Variants in IGF1R observed in about 807,000 individuals in gnomAD.
IGF1R encodes the protein insulin like growth factor 1 receptor.
A neutral mutation model predicts 144.6 loss-of-function variants in IGF1R; 44 were observed. The ratio of observed to expected loss-of-function variants is 0.30; its 90% CI spans 0.24 to 0.39. The LOEUF (loss-of-function observed/expected upper bound fraction) is 0.39. Among genes scored for constraint, IGF1R ranks in the 10% least tolerant of loss-of-function variants. The probability of loss-of-function intolerance (pLI) is 1.00; values close to 1 mark genes in which losing one functional copy is unlikely to be tolerated. For missense variants in IGF1R, 1,355 were observed against 1,833.7 expected (o/e 0.74, Z 4.77); for synonymous variants, 795 against 722.8 (o/e 1.10, Z -1.60).
chr15:98,899,542 A>G lies in IGF1R; in HGVS notation c.1168A>G (p.Ile390Val). ...CGAGGTGGTGACGGGCTACGTGAAG[A>G]TCCGCCATTCTCATGCCTTGGTCTC... is the stretch of plus-strand genomic sequence containing the variant. ...LIEVVTGYVK[I>V]RHSHALVSLS... is the part of the protein sequence containing the mutation. The change falls in exon 5 of 21, where the codon ATC becomes GTC. Residue 390 changes from isoleucine (I) to valine (V), a missense_variant. Ile to Val is a conservative substitution (Grantham distance 29, BLOSUM62 3). Coordinates refer to ENST00000650285, the MANE Select transcript of IGF1R (RefSeq NM_000875.5). 1.2e-6 allele frequency: 2 copies of G among 1,614,160 alleles called. No homozygotes were observed. Among genetic ancestry groups the G allele is most frequent in the Non-Finnish European group, 1.7e-6 (2 of 1,179,990 alleles).
intron 2 of IGF1R, among the ~76,000 whole-genome samples, chr15:98,846,919 T>C (rs2011349750): frequency 6.6e-6 from 1 of 152,224 alleles, no homozygotes; most frequent in African/African-American, 2.4e-5. Context: ...GACCCGGGAA[T>C]ATAGTGTATG....
At chr15:98,811,157 C>T (rs1246694458) in intron 2 of IGF1R, among the ~76,000 whole-genome samples, 1 of 151,716 alleles carries the variant, frequency 6.6e-6, no homozygotes, top group African/African-American at 2.4e-5. Context: ...AAAAATTAAC[C>T]AGATGTGGTG....
chr15:98,957,122 A>G lies in IGF1R; in HGVS notation c.3784A>G (p.Ile1262Val). 1 of 1,614,180 alleles carries G rather than the reference A, an allele frequency of 6.2e-7. No homozygotes were observed. Among genetic ancestry groups the G allele is most frequent in the Non-Finnish European group, 8.5e-7 (1 of 1,180,020 alleles). Residue 1262 changes from isoleucine to valine, a missense_variant, in exon 21 of 21, where the codon ATC (isoleucine) becomes GTC (valine). By Grantham distance (29) the Ile-to-Val change is conservative. Transcript: ENST00000650285. ...CAAGATGAGGCCTTCCTTCCTGGAG[A>G]TCATCAGCAGCATCAAAGAGGAGAT... ...NPKMRPSFLE[I>V]ISSIKEEMEP...
Position 98,649,026 on chromosome 15 carries a change from G to T in IGF1R, c.-556G>T. 1 of 175,980 alleles carries T rather than the reference G, an allele frequency of 5.7e-6. No individual in the cohort carries two copies. The highest frequency in any genetic ancestry group is 2.1e-4 in the South Asian group (1 of 4,722). The allele number at this position is 175,980 out of a possible 1,614,324, so 10.9% of individuals were successfully genotyped here. ...CTGAGGGAGGAGGCGGCGGCGAGCG[G>T]AGCCAGGAGGAGGAGGAGGAGGGGG... On this transcript the variant is annotated 5_prime_UTR_variant, in exon 1 of 21. Transcript: ENST00000650285.
chr15:98,929,684 C>T, intron 14 of IGF1R, 24 bp downstream of exon 14: 1 of 1,466,356 alleles, frequency 6.8e-7, no homozygotes, highest in Non-Finnish European at 9.6e-7. Flanking sequence ...AAAGTTATGA[C>T]ACTTTCTGTG....
chr15:98,649,417 G>T lies in IGF1R; in HGVS notation c.-165G>T. ...CCCGTCCGCGCACCCGGAGGGCCCCGGCGGCGCCGCCTTCGGAGTATTGTT... is the reference window on the plus strand; with the variant it reads ...CCCGTCCGCGCACCCGGAGGGCCCCTGCGGCGCCGCCTTCGGAGTATTGTT... On this transcript the variant is annotated 5_prime_UTR_variant, in exon 1 of 21. Coordinates refer to ENST00000650285, the MANE Select transcript of IGF1R (RefSeq NM_000875.5). The T allele has an allele frequency of 2.4e-6, 1 of 414,852 alleles. No homozygotes were observed. The highest frequency in any genetic ancestry group is 5.5e-5 in the South Asian group (1 of 18,196). The allele number at this position is 414,852 out of a possible 1,614,324, so 25.7% of individuals were successfully genotyped here. A position where few individuals can be genotyped will look rare whatever the true frequency, so the allele number is the denominator to read the frequency against.
At chr15:98,798,350 T>G (rs2056293119) in intron 2 of IGF1R, among the ~76,000 whole-genome samples, 1 of 151,772 alleles carries the variant, frequency 6.6e-6, no homozygotes. Flanking sequence ...TGCATCTTGG[T>G]GGGGGATGGG....
At chr15:98,831,562 T>G (rs962001380) in intron 2 of IGF1R, among the ~76,000 whole-genome samples, 8 of 152,060 alleles carry the variant, frequency 5.3e-5, no homozygotes, top group African/African-American at 1.9e-4. Context: ...ATGCCAACAC[T>G]CCTAAAACAA....
intron 2 of IGF1R, among the ~76,000 whole-genome samples, chr15:98,709,118 A>G (rs953865483): frequency 1.3e-5 from 2 of 152,216 alleles, no homozygotes; most frequent in Non-Finnish European, 2.9e-5. Flanking sequence ...AATAGCTATT[A>G]TTTAAGTGTT....
chr15:98,787,407 GCTGA>G (rs2056023936), intron 2 of IGF1R, among the ~76,000 whole-genome samples: 1 of 152,158 alleles, frequency 6.6e-6, no homozygotes, highest in South Asian at 2.1e-4. Context: ...AAACTTTCAG[GCTGA>G]CTAAATCCTG....
chr15:98,930,453 TTTC>T, intron 15 of IGF1R, 148 bp downstream of exon 15: 1 of 614,056 alleles, frequency 1.6e-6, no homozygotes, highest in African/African-American at 1.9e-5. Context: ...TATTTCTTTC[TTTC>T]TTTTTTTTTT....
chr15:98,777,534 C>T (rs967636313), intron 2 of IGF1R, among the ~76,000 whole-genome samples: 6 of 152,158 alleles, frequency 3.9e-5, no homozygotes, highest in Non-Finnish European at 5.9e-5. Context: ...GAATGATGAC[C>T]GAAGAGGAAC....
At chr15:98,756,542 T>C (rs536506203) in intron 2 of IGF1R, among the ~76,000 whole-genome samples, 29 of 152,190 alleles carry the variant, frequency 1.9e-4, no homozygotes, top group Middle Eastern at 3.4e-3. Flanking sequence ...TTTTTTTGCT[T>C]TTTTCCCCCT....
chr15:98,788,734 C>T (rs753273041), intron 2 of IGF1R, among the ~76,000 whole-genome samples: 1 of 152,164 alleles, frequency 6.6e-6, no homozygotes, highest in East Asian at 1.9e-4. Context: ...CTGTTCTGGC[C>T]GGTGATTCAG....
chr15:98,681,432 C>T (rs969175564), intron 1 of IGF1R, among the ~76,000 whole-genome samples: 1 of 152,118 alleles, frequency 6.6e-6, no homozygotes, highest in African/African-American at 2.4e-5. Flanking sequence ...AATGGGTAGC[C>T]TTATGGAGGA....
chr15:98,896,347 C>A (rs192033618), intron 3 of IGF1R, among the ~76,000 whole-genome samples: 1 of 152,286 alleles, frequency 6.6e-6, no homozygotes, highest in East Asian at 1.9e-4. Flanking sequence ...CCTAGCGACT[C>A]CTCCAGGTAC....
chr15:98,779,991 A>G (rs1210461416), intron 2 of IGF1R, among the ~76,000 whole-genome samples: 1 of 152,132 alleles, frequency 6.6e-6, no homozygotes, highest in Admixed American at 6.5e-5. Context: ...CCGGGATGTC[A>G]GCTGTGGTAG....
At chr15:98,859,985 G>C (rs918442248) in intron 2 of IGF1R, among the ~76,000 whole-genome samples, 1 of 151,946 alleles carries the variant, frequency 6.6e-6, no homozygotes, top group Admixed American at 6.5e-5. Flanking sequence ...ACGCGATCTC[G>C]GCTCACTGCA....
chr15:98,652,597 A>G (rs2052395854), intron 1 of IGF1R, among the ~76,000 whole-genome samples: 1 of 152,248 alleles, frequency 6.6e-6, no homozygotes, highest in African/African-American at 2.4e-5. Context: ...ACTCTAAGAA[A>G]TATGCTAAGG....
Sources: allele counts gnomAD v4.1 joint callset (sites outside exome capture counted in the v4.1 genomes callset), GRCh38; gene constraint gnomAD v4.1.1; transcripts MANE v1.5; gene names NCBI Gene and HGNC (gene_info 2026-07-23, HGNC 2026-07-21).